The following PPFIA2 variants were observed in gnomAD, a reference collection of about 807,000 sequenced individuals.
PPFIA2 encodes the protein PPFI scaffold protein A2, also known as liprin-alpha-2.
Under a neutral mutation model 175.5 loss-of-function variants are expected in PPFIA2, and 46 were observed. The ratio of observed to expected loss-of-function variants is 0.26; its 90% CI spans 0.21 to 0.34. PPFIA2 has a LOEUF of 0.34. Among genes scored for constraint, PPFIA2 ranks in the 10% least tolerant of loss-of-function variants. The pLI is 1.00. For synonymous variants in PPFIA2, 568 were observed against 511.4 expected (o/e 1.11, Z -1.49); for missense variants, 1,179 against 1,506.1 (o/e 0.78, Z 3.60).
At chr12:81,647,775 A>ATATG (rs1207855866) in intron 4 of PPFIA2, among the ~76,000 whole-genome samples, 2 of 139,428 alleles carry the variant, frequency 1.4e-5, no homozygotes, top group African/African-American at 2.6e-5. Flanking sequence ...ATATATATAT[A>ATATG]TATAATATAC....
intron 4 of PPFIA2, among the ~76,000 whole-genome samples, chr12:81,561,700 T>C (rs919701637): frequency 6.6e-6 from 1 of 152,220 alleles, no homozygotes; most frequent in Non-Finnish European, 1.5e-5. Flanking sequence ...CAGATGGAAT[T>C]AGTAACAGAC....
intron 3 of PPFIA2, among the ~76,000 whole-genome samples, chr12:81,692,973 A>T (rs1437909397): frequency 6.6e-6 from 1 of 152,132 alleles, no homozygotes; most frequent in Non-Finnish European, 1.5e-5. Context: ...ATAATGTTTA[A>T]AAAGCAACTA....
intron 4 of PPFIA2, among the ~76,000 whole-genome samples, chr12:81,494,186 C>T (rs1416858846): frequency 6.6e-6 from 1 of 151,890 alleles, no homozygotes; most frequent in Non-Finnish European, 1.5e-5. Flanking sequence ...ATTTTCGCAA[C>T]CTACTCATCT....
chr12:81,290,432 AGAAG>A (rs1272444911), intron 24 of PPFIA2, among the ~76,000 whole-genome samples: 1 of 151,856 alleles, frequency 6.6e-6, no homozygotes, highest in Non-Finnish European at 1.5e-5. Context: ...TAGAGTGAGT[AGAAG>A]GAAGAGGAAA....
intron 3 of PPFIA2, among the ~76,000 whole-genome samples, chr12:81,743,382 A>T (rs916798955): frequency 1.7e-5 from 2 of 118,430 alleles, no homozygotes; most frequent in African/African-American, 6.4e-5. Context: ...GTGCCACTGC[A>T]CTCCGGGCCA....
At chr12:81,304,661 G>A (rs2048708211) in intron 22 of PPFIA2, among the ~76,000 whole-genome samples, 1 of 151,992 alleles carries the variant, frequency 6.6e-6, no homozygotes, top group South Asian at 2.1e-4. Context: ...TAAAGGAGTG[G>A]AATTAAATGT....
chr12:81,594,810 G>C (rs1470063198), intron 4 of PPFIA2, among the ~76,000 whole-genome samples: 1 of 152,096 alleles, frequency 6.6e-6, no homozygotes, highest in Non-Finnish European at 1.5e-5. Context: ...CTACTTGTGG[G>C]GCTAAGGTGG....
chr12:81,660,804 C>T (rs1319351803), intron 4 of PPFIA2, among the ~76,000 whole-genome samples: 3 of 152,138 alleles, frequency 2.0e-5, no homozygotes, highest in African/African-American at 7.2e-5. Context: ...AGAGAAAGGT[C>T]GGGTTACCCA....
intron 9 of PPFIA2, among the ~76,000 whole-genome samples, chr12:81,381,165 CA>C (rs1358962760): frequency 6.6e-5 from 10 of 152,084 alleles, no homozygotes; most frequent in Admixed American, 2.0e-4. Flanking sequence ...AACCTCCCTT[CA>C]AAGGTGGATG....
chr12:81,466,017 C>T (rs1218017631), intron 4 of PPFIA2, among the ~76,000 whole-genome samples: 1 of 152,134 alleles, frequency 6.6e-6, no homozygotes, highest in Admixed American at 6.6e-5. Context: ...CCAGGGAATG[C>T]TGTCATCCAA....
intron 4 of PPFIA2, among the ~76,000 whole-genome samples, chr12:81,600,685 T>C (rs760784633): frequency 1.2e-4 from 18 of 152,030 alleles, no homozygotes; most frequent in African/African-American, 4.3e-4. Context: ...AAGTTATATA[T>C]GTGAAATATT....
chr12:81,741,619 TGAGATTTTTTTG>T (rs2082331518), intron 3 of PPFIA2, among the ~76,000 whole-genome samples: 1 of 118,904 alleles, frequency 8.4e-6, no homozygotes, highest in East Asian at 2.6e-4. Flanking sequence ...TAAAACATTA[TGAGATTTTTTTG>T]GTGATTTTTT....
intron 7 of PPFIA2, among the ~76,000 whole-genome samples, chr12:81,411,543 T>G (rs1051918102): frequency 6.6e-6 from 1 of 152,106 alleles, no homozygotes; most frequent in Non-Finnish European, 1.5e-5. Flanking sequence ...CTGGTAGTCT[T>G]GGCGGCTGGG....
At chr12:81,495,387 T>A (rs1224023629) in intron 4 of PPFIA2, among the ~76,000 whole-genome samples, 1 of 152,142 alleles carries the variant, frequency 6.6e-6, no homozygotes, top group African/African-American at 2.4e-5. Flanking sequence ...AAATTTATAT[T>A]TTTTTATTTT....
At position 81,717,273 on chromosome 12, in the gene PPFIA2, G is replaced by C. The variant is rs568132920; in HGVS notation, c.249+36700C>G. Among the ~76,000 whole-genome samples the C allele has an allele frequency of 4.4e-3, 600 of 136,592 alleles. 5 individuals are homozygous for C. Among genetic ancestry groups the C allele is most frequent in the African/African-American group, 0.014 (547 of 40,364 alleles). 89.6% of individuals were successfully genotyped at this position (136,592 alleles called of 152,430 possible). ...ATTTCATATAATTTTGATGTGGCAT[G>C]AAACAGTGTTCTTCTTTTGTTCTTT... On this transcript the variant is annotated intron_variant, in intron 3 of 32. Coordinates refer to ENST00000549396, the MANE Select transcript of PPFIA2 (RefSeq NM_003625.5).
intron 21 of PPFIA2, 139 bp downstream of exon 21, chr12:81,339,041 C>A: frequency 1.3e-6 from 1 of 786,784 alleles, no homozygotes; most frequent in Non-Finnish European, 1.9e-6. Context: ...ACATTTAAAG[C>A]TAATCAAAAT....
At chr12:81,632,197 T>A (rs963770954) in intron 4 of PPFIA2, among the ~76,000 whole-genome samples, 4 of 152,134 alleles carry the variant, frequency 2.6e-5, no homozygotes, top group Non-Finnish European at 5.9e-5. Context: ...ATACTCTCAA[T>A]ATAAAAGGAA....
At chr12:81,651,432 A>G (rs1243126727) in intron 4 of PPFIA2, among the ~76,000 whole-genome samples, 1 of 152,176 alleles carries the variant, frequency 6.6e-6, no homozygotes, top group Non-Finnish European at 1.5e-5. Flanking sequence ...TAAATAGTTG[A>G]AAGTCAATGT....
intron 3 of PPFIA2, among the ~76,000 whole-genome samples, chr12:81,689,568 T>C (rs1232184640): frequency 1.3e-5 from 2 of 152,032 alleles, no homozygotes; most frequent in African/African-American, 4.8e-5. Context: ...GAGCACAGCA[T>C]AGAGCTGGAG....
Sources: gnomAD v4.1 joint callset for allele counts (sites outside exome capture counted in the v4.1 genomes callset) on GRCh38, gnomAD v4.1.1 for gene constraint, MANE v1.5 for transcripts, NCBI Gene and HGNC (gene_info 2026-07-23, HGNC 2026-07-21) for gene names.